Variants in ZNF536 observed in about 807,000 individuals in gnomAD.
ZNF536 encodes zinc finger protein 536.
Under a neutral mutation model 84.5 loss-of-function variants are expected in ZNF536, and 13 were observed. That is an observed-to-expected ratio of 0.15 (90% CI 0.10 to 0.24). The LOEUF (loss-of-function observed/expected upper bound fraction) is 0.24. Ranked by LOEUF, ZNF536 falls within the 10% of genes least tolerant of loss-of-function variation. The pLI, the probability that ZNF536 is intolerant of heterozygous loss-of-function variation, is 1.00. For missense variants in ZNF536, 1,536 were observed against 1,747.5 expected, an observed-to-expected ratio of 0.88 and a Z score of 2.16; for synonymous variants, 811 against 742.5, an observed-to-expected ratio of 1.09 and a Z score of -1.50.
intron 2 of ZNF536, among the ~76,000 whole-genome samples, chr19:30,466,584 A>AAGAAAGAAAGAGAGAG (rs1555775076): frequency 2.1e-5 from 3 of 144,374 alleles, no homozygotes; most frequent in African/African-American, 7.8e-5. Context: ...GAAAGAAAGA[A>AAGAAAGAAAGAGAGAG]AGAGAGAGAG....
At chr19:30,463,919 C>T (rs1432423239) in intron 2 of ZNF536, among the ~76,000 whole-genome samples, 1 of 152,074 alleles carries the variant, frequency 6.6e-6, no homozygotes, top group Non-Finnish European at 1.5e-5. Context: ...CTCTCAGGGA[C>T]AGTGGTGACC....
At chr19:30,691,181 G>A (rs1200775341) in intron 1 of ZNF536, among the ~76,000 whole-genome samples, 2 of 152,142 alleles carry the variant, frequency 1.3e-5, no homozygotes, top group Non-Finnish European at 2.9e-5. Flanking sequence ...AGCTGGCTGA[G>A]CCGGCAGAGT....
intron 2 of ZNF536, among the ~76,000 whole-genome samples, chr19:30,505,348 A>AATATTATTAT (rs2055128758): frequency 6.9e-6 from 1 of 144,482 alleles, no homozygotes; most frequent in African/African-American, 2.5e-5. Context: ...TTATGATAAT[A>AATATTATTAT]AATATATATT....
At chr19:30,408,388 C>A (rs1238013995) in intron 1 of ZNF536, among the ~76,000 whole-genome samples, 1 of 152,156 alleles carries the variant, frequency 6.6e-6, no homozygotes, top group Non-Finnish European at 1.5e-5. Flanking sequence ...CCCTTGTGAG[C>A]CAGCCTCCCC....
intron 1 of ZNF536, among the ~76,000 whole-genome samples, chr19:30,418,779 C>T (rs951492224): frequency 6.6e-6 from 1 of 152,126 alleles, no homozygotes; most frequent in South Asian, 2.1e-4. Flanking sequence ...CCAAATTATG[C>T]AATTAAGATA....
intron 2 of ZNF536, among the ~76,000 whole-genome samples, chr19:30,484,738 G>C (rs561541620): frequency 2.8e-4 from 41 of 148,560 alleles, no homozygotes; most frequent in African/African-American, 8.2e-4. Context: ...GTGGAACTCC[G>C]TGTGAGAGCT....
At position 30,366,371 on chromosome 19, in the gene ZNF536, T is replaced by TCTAC. The variant is rs2048430782; in HGVS notation, c.-3+13890_-3+13891insCCTA. On this transcript the variant is annotated intron_variant, in intron 3 of 5. Transcript: ENST00000585628. ...TATCTACCTATCATATCTCTATCTATCTATCTATCTATCTATCTATCTATC... is the reference window on the plus strand; with the variant it reads ...TATCTACCTATCATATCTCTATCTATCTACCTATCTATCTATCTATCTATCTATC... Among the ~76,000 whole-genome samples, 2 of 148,114 alleles carry TCTAC rather than the reference T, an allele frequency of 1.4e-5. 1 individual carries two copies. Among genetic ancestry groups the TCTAC allele is most frequent in the South Asian group, 4.3e-4 (2 of 4,686 alleles).
intron 2 of ZNF536, among the ~76,000 whole-genome samples, chr19:30,465,429 TTTC>T (rs1480174515): frequency 2.6e-5 from 4 of 152,218 alleles, no homozygotes; most frequent in African/African-American, 9.6e-5. Context: ...TCTTCCTGGT[TTTC>T]TTCTTCACTC....
At chr19:30,611,355 T>C (rs960997161) in intron 1 of ZNF536, among the ~76,000 whole-genome samples, 1 of 152,138 alleles carries the variant, frequency 6.6e-6, no homozygotes, top group Non-Finnish European at 1.5e-5. Flanking sequence ...GCCACTCAGT[T>C]TGCAAACAGG....
At chr19:30,521,591 T>C (rs2044322604) in intron 2 of ZNF536, among the ~76,000 whole-genome samples, 1 of 152,170 alleles carries the variant, frequency 6.6e-6, no homozygotes, top group African/African-American at 2.4e-5. Flanking sequence ...AGTTCATTTA[T>C]TAAAGCATTC....
At chr19:30,277,671 C>CCA (rs989699151) in intron 1 of ZNF536, among the ~76,000 whole-genome samples, 1 of 152,278 alleles carries the variant, frequency 6.6e-6, no homozygotes, top group South Asian at 2.1e-4. Context: ...ATGCACATAC[C>CCA]CACACACACA....
chr19:30,492,667 C>A (rs2054555561), intron 2 of ZNF536, among the ~76,000 whole-genome samples: 1 of 152,228 alleles, frequency 6.6e-6, no homozygotes, highest in South Asian at 2.1e-4. Context: ...GAGACCACTG[C>A]AGCTGTTCCT....
intron 2 of ZNF536, among the ~76,000 whole-genome samples, chr19:30,521,885 C>A (rs1313339061): frequency 1.3e-5 from 2 of 152,106 alleles, no homozygotes; most frequent in Non-Finnish European, 2.9e-5. Flanking sequence ...AACAAAGTTG[C>A]CTCTCAGGAA....
intron 2 of ZNF536, among the ~76,000 whole-genome samples, chr19:30,521,874 A>G (rs1599676720): frequency 1.3e-5 from 2 of 152,256 alleles, no homozygotes; most frequent in South Asian, 4.2e-4. Context: ...TATCAGAAGA[A>G]AACAAAGTTG....
intron 4 of ZNF536, among the ~76,000 whole-genome samples, chr19:30,553,269 T>G (rs2045849134): frequency 6.6e-6 from 1 of 152,212 alleles, no homozygotes; most frequent in Admixed American, 6.5e-5. Context: ...TGAGAAATGC[T>G]AATGCACTGT....
chr19:30,240,246 G>A (rs565771969), intron 1 of ZNF536, among the ~76,000 whole-genome samples: 1 of 152,222 alleles, frequency 6.6e-6, no homozygotes, highest in Admixed American at 6.5e-5. Flanking sequence ...GGTGGCGGGT[G>A]CCTGTAATCC....
chr19:30,347,896 C>T (rs765402060), intron 2 of ZNF536, among the ~76,000 whole-genome samples: 1 of 152,176 alleles, frequency 6.6e-6, no homozygotes, highest in African/African-American at 2.4e-5. Context: ...GGTGACCAAA[C>T]CCCTAAACAG....
At chr19:30,474,461 C>T (rs1165139337) in intron 2 of ZNF536, among the ~76,000 whole-genome samples, 3 of 152,086 alleles carry the variant, frequency 2.0e-5, no homozygotes, top group Non-Finnish European at 2.9e-5. Flanking sequence ...CCGCCCTTTT[C>T]CCCACCTCCT....
chr19:30,676,619 G>T (rs2050761610), intron 1 of ZNF536, among the ~76,000 whole-genome samples: 1 of 152,184 alleles, frequency 6.6e-6, no homozygotes, highest in South Asian at 2.1e-4. Context: ...CTGGTTTATA[G>T]ATTATGATAT....
Sources: gnomAD v4.1 joint callset for allele counts (sites outside exome capture counted in the v4.1 genomes callset) on GRCh38, gnomAD v4.1.1 for gene constraint, MANE v1.5 for transcripts, NCBI Gene and HGNC (gene_info 2026-07-23, HGNC 2026-07-21) for gene names.